DAB2IP: variants seen among roughly 807,000 people sequenced by gnomAD.
The protein encoded by DAB2IP is DAB2 interacting protein.
DAB2IP carries 28 observed loss-of-function variants against 107.2 expected under a neutral mutation model. That is an observed-to-expected ratio of 0.26 (90% confidence interval 0.19 to 0.36). The LOEUF is 0.36. Ranked by LOEUF, DAB2IP falls within the 10% of genes least tolerant of loss-of-function variation. The probability of loss-of-function intolerance (pLI) is 1.00; values close to 1 mark genes in which losing one functional copy is unlikely to be tolerated. For synonymous variants in DAB2IP, 755 were observed against 706.4 expected (o/e 1.07, Z -1.09); for missense variants, 1,400 against 1,644.7 (o/e 0.85, Z 2.57).
At chr9:121,714,435 G>A (rs1040322031) in intron 3 of DAB2IP, among the ~76,000 whole-genome samples, 16 of 152,224 alleles carry the variant, frequency 1.1e-4, no homozygotes, top group South Asian at 6.2e-4. Context: ...ATGCAAGGCC[G>A]AGTCCTGAGC....
intron 3 of DAB2IP, among the ~76,000 whole-genome samples, chr9:121,714,771 G>A (rs559380019): frequency 3.6e-4 from 55 of 152,304 alleles, no homozygotes; most frequent in African/African-American, 1.3e-3. Flanking sequence ...GTGTCCTGAA[G>A]GCAGTGAGAG....
intron 1 of DAB2IP, among the ~76,000 whole-genome samples, chr9:121,642,053 T>TTCCTTTCTCTCTCTCTCTC (rs1405966869): frequency 2.2e-5 from 1 of 46,440 alleles, no homozygotes; most frequent in Non-Finnish European, 3.7e-5. Context: ...CTTTCTTTCT[T>TTCCTTTCTCTCTCTCTCTC]TCTTTCTTTC....
intron 1 of DAB2IP, among the ~76,000 whole-genome samples, chr9:121,571,731 G>A (rs1829947292): frequency 6.6e-6 from 1 of 152,094 alleles, no homozygotes; most frequent in African/African-American, 2.4e-5. Flanking sequence ...AAGTTCTGGA[G>A]GCCTAAGCCT....
At position 121,606,579 on chromosome 9, in the gene DAB2IP, C is replaced by T. The variant is rs564229710; in HGVS notation, c.40+39351C>T. On this transcript the variant is annotated intron_variant, in intron 1 of 16. Coordinates refer to the DAB2IP transcript ENST00000259371. ...CCCCTCACTCCAGGTCCAGTGCTCA[C>T]GGGCAGGGCTCAGAGTGGCTGTTGG... Among the ~76,000 whole-genome samples the T allele has an allele frequency of 5.9e-5, 9 of 152,206 alleles. No homozygotes were observed. The East Asian group carries it at 7.7e-4, about 13-fold the overall frequency.
chr9:121,768,577 C>T (rs767226532), exon 10 of DAB2IP: 14 of 1,614,040 alleles, frequency 8.7e-6, no homozygotes, highest in African/African-American at 6.7e-5. Flanking sequence ...CGACCTGGGC[C>T]GCGAGCTCTC....
intron 3 of DAB2IP, among the ~76,000 whole-genome samples, chr9:121,747,641 C>G (rs1312465164): frequency 6.6e-6 from 1 of 152,102 alleles, no homozygotes; most frequent in Admixed American, 6.5e-5. Flanking sequence ...GCCACCGCGC[C>G]CGGCCTAGAT....
In DAB2IP at chr9:121,601,233, G is replaced by C. The variant is rs1830675777; in HGVS notation, c.40+34005G>C. ...AGCAAATGAACTAAATAACCAGCAT[G>C]ATGGGGAAAAGGGCTGACCTGCAGA... is the stretch of plus-strand genomic sequence containing the variant. On this transcript the variant is annotated intron_variant, in intron 1 of 16. Coordinates refer to the DAB2IP transcript ENST00000259371. 2.0e-5 allele frequency among the ~76,000 whole-genome samples: 3 copies of C among 152,300 alleles called. No individual in the cohort carries two copies. In the South Asian group the frequency reaches 6.2e-4, roughly 32 times the overall value.
At chr9:121,775,240 G>C (rs1564229980) in intron 13 of DAB2IP, among the ~76,000 whole-genome samples, 1 of 152,208 alleles carries the variant, frequency 6.6e-6, no homozygotes, top group Non-Finnish European at 1.5e-5. Context: ...CCCCAGGAAA[G>C]CCTGTGGCAA....
intron 3 of DAB2IP, among the ~76,000 whole-genome samples, chr9:121,751,548 A>G (rs1833120660): frequency 6.6e-6 from 1 of 152,206 alleles, no homozygotes; most frequent in African/African-American, 2.4e-5. Flanking sequence ...GAGAGGCAGA[A>G]TGGACAGGCT....
intron 13 of DAB2IP, among the ~76,000 whole-genome samples, chr9:121,775,545 C>T (rs1056597189): frequency 6.6e-6 from 1 of 152,238 alleles, no homozygotes; most frequent in African/African-American, 2.4e-5. Flanking sequence ...TCGCTCAGCG[C>T]AGAGCACCTG....
At chr9:121,665,854 C>A (rs1833397720) in intron 1 of DAB2IP, among the ~76,000 whole-genome samples, 1 of 152,162 alleles carries the variant, frequency 6.6e-6, no homozygotes. Flanking sequence ...TTCCATAGTC[C>A]TGAATCAGAC....
intron 3 of DAB2IP, among the ~76,000 whole-genome samples, chr9:121,743,334 G>A (rs540748013): frequency 2.0e-5 from 3 of 152,228 alleles, no homozygotes; most frequent in Non-Finnish European, 2.9e-5. Context: ...TGGGACCTTC[G>A]TGGACTTTGA....
intron 1 of DAB2IP, among the ~76,000 whole-genome samples, chr9:121,670,439 G>A (rs62572790): frequency 0.23 from 34,984 of 152,212 alleles, 4,074 homozygotes; most frequent in Non-Finnish European, 0.24. Flanking sequence ...CTTTTCTAAA[G>A]GCTCTAGGGA....
chr9:121,664,753 G>T (rs1045690559), intron 1 of DAB2IP, among the ~76,000 whole-genome samples: 1 of 152,208 alleles, frequency 6.6e-6, no homozygotes, highest in African/African-American at 2.4e-5. Context: ...ATGATCCATG[G>T]CGTAGCAGAT....
At chr9:121,785,318 C>T (rs946559100) in exon 16 of DAB2IP, 1 of 152,640 alleles carries the variant, frequency 6.6e-6, no homozygotes, top group African/African-American at 2.4e-5. Flanking sequence ...CCCCCAGCTC[C>T]CACACCGCGT....
intron 3 of DAB2IP, among the ~76,000 whole-genome samples, chr9:121,737,942 T>C (rs1307865912): frequency 6.6e-6 from 1 of 151,276 alleles, no homozygotes; most frequent in Non-Finnish European, 1.5e-5. Context: ...GGGACTCCCT[T>C]GGACATGGGA....
chr9:121,775,069 G>T (rs1018154189), intron 13 of DAB2IP, among the ~76,000 whole-genome samples: 7 of 152,334 alleles, frequency 4.6e-5, no homozygotes, highest in African/African-American at 7.2e-5. Flanking sequence ...GGGATGCTTC[G>T]TTGGTCTCCC....
At chr9:121,663,800 C>T (rs573243852) in intron 1 of DAB2IP, among the ~76,000 whole-genome samples, 4 of 152,362 alleles carry the variant, frequency 2.6e-5, no homozygotes, top group African/African-American at 4.8e-5. Flanking sequence ...GGGCCAGGCG[C>T]GAACTCAGCT....
In DAB2IP at chr9:121,698,821, G is replaced by A. The variant is rs1829568919; in HGVS notation, c.229-504G>A. 6.6e-6 allele frequency among the ~76,000 whole-genome samples: 1 copy of A among 152,190 alleles called. No homozygotes were observed. Among genetic ancestry groups the A allele is most frequent in the Non-Finnish European group, 1.5e-5 (1 of 68,034 alleles). On this transcript the variant is annotated intron_variant, in intron 2 of 15. Transcript: ENST00000408936. This position sits in a 1 kb window ranked among gnomAD's most constrained non-coding sequence, Gnocchi z 4.1. ...CAGCGACCTCGCAGCGGAGGAAGGC[G>A]CTTTGTCAATCCCCGACGGGGTGGG...
Sources: allele counts gnomAD v4.1 joint callset (sites outside exome capture counted in the v4.1 genomes callset), GRCh38; gene constraint gnomAD v4.1.1; non-coding constraint Gnocchi (gnomAD v3.1); transcripts MANE v1.5; gene names NCBI Gene and HGNC (gene_info 2026-07-23, HGNC 2026-07-21).